The following OCA2 variants were observed in gnomAD, a reference collection of about 807,000 sequenced individuals.
The protein encoded by OCA2 is P protein.
OCA2 carries 77 observed loss-of-function variants against 100.2 expected under a neutral mutation model. That is an observed-to-expected ratio of 0.77 (90% CI 0.64 to 0.93). The LOEUF (loss-of-function observed/expected upper bound fraction) is 0.93, where lower values mean the gene tolerates loss of function less well. Ranked by LOEUF, OCA2 falls within the 40% of genes least tolerant of loss-of-function variation. The pLI is 0.00. For synonymous variants in OCA2, 432 were observed against 439.2 expected, an observed-to-expected ratio of 0.98 and a Z score of 0.21; for missense variants, 1,062 against 1,089.1, an observed-to-expected ratio of 0.98 and a Z score of 0.35.
intron 19 of OCA2, among the ~76,000 whole-genome samples, chr15:27,924,266 C>T (rs28696971): frequency 0.35 from 53,178 of 151,866 alleles, 9,619 homozygotes; most frequent in Middle Eastern, 0.52. Context: ...CTAAGCTATG[C>T]AGTTCATCTG....
chr15:28,070,497 T>G (rs1406195155), intron 2 of OCA2, among the ~76,000 whole-genome samples: 5 of 108,174 alleles, frequency 4.6e-5, no homozygotes, highest in African/African-American at 2.0e-4. Context: ...GGTGGGGGGG[T>G]CAGCCCCCCG....
chr15:28,037,955 C>T (rs1007573361), intron 2 of OCA2, among the ~76,000 whole-genome samples: 4 of 152,210 alleles, frequency 2.6e-5, no homozygotes, highest in African/African-American at 9.6e-5. Flanking sequence ...CCTCCTGTAG[C>T]CCCCTCTGCC....
At chr15:27,792,740 G>A (rs148367141) in intron 23 of OCA2, among the ~76,000 whole-genome samples, 67 of 152,318 alleles carry the variant, frequency 4.4e-4, no homozygotes, top group East Asian at 1.4e-3. Flanking sequence ...CTGTTAGGGC[G>A]TAAGCTACTG....
At chr15:27,896,304 G>A (rs891128190) in intron 19 of OCA2, 10 of 1,019,604 alleles carry the variant, frequency 9.8e-6, no homozygotes, top group African/African-American at 1.6e-5. Flanking sequence ...CCAGAATGTT[G>A]CAGATTACAT....
intron 15 of OCA2, among the ~76,000 whole-genome samples, chr15:27,960,266 T>C (rs2040364816): frequency 6.6e-6 from 1 of 152,242 alleles, no homozygotes; most frequent in Admixed American, 6.5e-5. Context: ...ATTTCCACAT[T>C]AACATTATTG....
At chr15:27,940,245 C>T (rs982358244) in intron 18 of OCA2, among the ~76,000 whole-genome samples, 24 of 152,186 alleles carry the variant, frequency 1.6e-4, no homozygotes, top group African/African-American at 5.1e-4. Context: ...CTTAACAAAT[C>T]GTGTAGGAGG....
intron 23 of OCA2, among the ~76,000 whole-genome samples, chr15:27,842,207 G>A (rs1226489347): frequency 6.6e-6 from 1 of 152,164 alleles, no homozygotes; most frequent in African/African-American, 2.4e-5. Flanking sequence ...AGAGTATAAA[G>A]TATAAAAGGT....
chr15:27,755,901 G>A (rs907173531), intron 23 of OCA2, among the ~76,000 whole-genome samples: 12 of 152,192 alleles, frequency 7.9e-5, no homozygotes, highest in Non-Finnish European at 1.5e-4. Context: ...CACACTTAAG[G>A]CCAAGGAGAG....
chr15:28,043,862 G>A lies in OCA2; in HGVS notation c.228-11699C>T, dbSNP rs2043273879. ...AACCAGATGGGCTATGCTTTTCAAG[G>A]AAGAAAGATAAGATTCTTCATGTTA... is the stretch of plus-strand genomic sequence containing the variant. On this transcript the variant is annotated intron_variant, in intron 2 of 23. Transcript: ENST00000354638. The surrounding 1 kb of genome is among the most constrained non-coding windows in gnomAD (Gnocchi z 4.4). Among the ~76,000 whole-genome samples the A allele has an allele frequency of 6.6e-6, 1 of 152,190 alleles. No homozygotes were observed.
At chr15:28,029,515 G>A (rs1285158496) in intron 3 of OCA2, among the ~76,000 whole-genome samples, 2 of 152,290 alleles carry the variant, frequency 1.3e-5, no homozygotes, top group South Asian at 4.1e-4. Context: ...AGAAATGTTC[G>A]CTTCCCTGTC....
intron 14 of OCA2, among the ~76,000 whole-genome samples, chr15:27,974,540 A>G (rs1357765221): frequency 2.0e-5 from 3 of 152,170 alleles, no homozygotes; most frequent in African/African-American, 7.2e-5. Context: ...GCCGAGGCAG[A>G]TGGATCACCT....
At chr15:27,886,392 C>G (rs2151570803) in intron 19 of OCA2, among the ~76,000 whole-genome samples, 1 of 152,306 alleles carries the variant, frequency 6.6e-6, no homozygotes, top group South Asian at 2.1e-4. Flanking sequence ...CGCTGAGAAG[C>G]CAATAAAGTT....
chr15:28,004,479 CCACACACA>C (rs2042028719), intron 9 of OCA2, among the ~76,000 whole-genome samples: 1 of 152,158 alleles, frequency 6.6e-6, no homozygotes, highest in African/African-American at 2.4e-5. Context: ...TGGCACACAC[CCACACACA>C]GACACACACA....
chr15:27,735,740 A>C, the OCA2 span, among the ~76,000 whole-genome samples: 1 of 151,476 alleles, frequency 6.6e-6, no homozygotes, highest in East Asian at 1.9e-4. Context: ...AACAAAACAA[A>C]AAAACAAAAA....
intron 21 of OCA2, among the ~76,000 whole-genome samples, chr15:27,855,581 C>T (rs140193474): frequency 1.1e-4 from 16 of 152,362 alleles, no homozygotes; most frequent in Admixed American, 6.5e-4. Flanking sequence ...ATGCCCAGAG[C>T]TTACTTCCAT....
intron 18 of OCA2, among the ~76,000 whole-genome samples, chr15:27,943,868 A>C (rs1014488832): frequency 7.2e-5 from 11 of 152,090 alleles, no homozygotes; most frequent in Non-Finnish European, 4.4e-5. Flanking sequence ...GGACTGAACC[A>C]ATACACAACT....
intron 21 of OCA2, among the ~76,000 whole-genome samples, chr15:27,859,892 A>G (rs933931935): frequency 6.6e-6 from 1 of 151,876 alleles, no homozygotes; most frequent in African/African-American, 2.4e-5. Flanking sequence ...GAAACAAAAT[A>G]TAAAATAAAA....
chr15:27,867,475 G>A (rs2036370052), intron 21 of OCA2, among the ~76,000 whole-genome samples: 1 of 151,836 alleles, frequency 6.6e-6, no homozygotes, highest in Non-Finnish European at 1.5e-5. Context: ...AAATGCAATT[G>A]GAAAAAGAAT....
the OCA2 span, among the ~76,000 whole-genome samples, chr15:27,743,900 C>A: frequency 6.6e-6 from 1 of 152,216 alleles, no homozygotes; most frequent in Non-Finnish European, 1.5e-5. Flanking sequence ...CACCTTCACA[C>A]CTGGCCACCA....
Sources: allele counts gnomAD v4.1 joint callset (sites outside exome capture counted in the v4.1 genomes callset), GRCh38; gene constraint gnomAD v4.1.1; non-coding constraint Gnocchi (gnomAD v3.1); transcripts MANE v1.5; gene names NCBI Gene and HGNC (gene_info 2026-07-23, HGNC 2026-07-21).